The following FHIT variants were observed in gnomAD, a reference collection of about 807,000 sequenced individuals.
The protein encoded by FHIT is fragile histidine triad diadenosine triphosphatase.
In FHIT, 19 loss-of-function variants were observed where a neutral mutation model predicts 17.9. That is an observed-to-expected ratio of 1.06 (90% CI 0.74 to 1.56). FHIT has a LOEUF of 1.56. Ranked by LOEUF, FHIT falls within the 40% of genes most tolerant of loss-of-function variation. The pLI, the probability that FHIT is intolerant of heterozygous loss-of-function variation, is 0.00. For missense variants in FHIT, 248 were observed against 189.2 expected, an observed-to-expected ratio of 1.31 and a Z score of -1.82; for synonymous variants, 81 against 69.7, an observed-to-expected ratio of 1.16 and a Z score of -0.81.
intron 3 of FHIT, among the ~76,000 whole-genome samples, chr3:60,874,705 C>T (rs1704566539): frequency 6.6e-6 from 1 of 152,134 alleles, no homozygotes; most frequent in Non-Finnish European, 1.5e-5. Context: ...CCTAGACCCA[C>T]CTCCCATCTG....
intron 4 of FHIT, among the ~76,000 whole-genome samples, chr3:60,554,886 C>A (rs2036691643): frequency 6.6e-6 from 1 of 152,124 alleles, no homozygotes; most frequent in Non-Finnish European, 1.5e-5. Context: ...TAGGTTTTTG[C>A]TAAAACGGAG....
intron 4 of FHIT, among the ~76,000 whole-genome samples, chr3:60,691,891 G>A (rs2040999850): frequency 6.6e-6 from 1 of 152,092 alleles, no homozygotes; most frequent in African/African-American, 2.4e-5. Flanking sequence ...ATCATCTTGG[G>A]AGGTCAACAT....
intron 5 of FHIT, among the ~76,000 whole-genome samples, chr3:60,184,816 T>G (rs905857627): frequency 6.6e-6 from 1 of 152,186 alleles, no homozygotes; most frequent in African/African-American, 2.4e-5. Context: ...ATTCAATCAT[T>G]TATTTCCATC....
At chr3:61,042,512 T>C (rs559365456) in intron 2 of FHIT, among the ~76,000 whole-genome samples, 1 of 152,298 alleles carries the variant, frequency 6.6e-6, no homozygotes, top group Non-Finnish European at 1.5e-5. Context: ...ATATTCTCTC[T>C]AGTTCTGTAT....
At chr3:61,246,600 A>C (rs1372842367) in intron 1 of FHIT, among the ~76,000 whole-genome samples, 32 of 152,014 alleles carry the variant, frequency 2.1e-4, no homozygotes, top group Admixed American at 2.1e-3. Flanking sequence ...CAGGAACAGA[A>C]AAGCAAACAC....
At chr3:59,963,484 G>C (rs1166257040) in intron 7 of FHIT, among the ~76,000 whole-genome samples, 1 of 152,018 alleles carries the variant, frequency 6.6e-6, no homozygotes, top group African/African-American at 2.4e-5. Context: ...AGGAGAGAGA[G>C]AGAGAGACAG....
At chr3:60,279,758 T>G (rs941910137) in intron 5 of FHIT, among the ~76,000 whole-genome samples, 1 of 151,756 alleles carries the variant, frequency 6.6e-6, no homozygotes, top group Admixed American at 6.6e-5. Context: ...TGGTGGAACG[T>G]TCAAAAACTC....
chr3:60,431,448 T>C (rs1377350016), intron 5 of FHIT, among the ~76,000 whole-genome samples: 1 of 152,138 alleles, frequency 6.6e-6, no homozygotes, highest in Non-Finnish European at 1.5e-5. Context: ...TAGCTGTCGC[T>C]GGCTGTTTCA....
intron 5 of FHIT, among the ~76,000 whole-genome samples, chr3:60,351,047 C>G (rs1319629721): frequency 6.6e-6 from 1 of 151,908 alleles, no homozygotes; most frequent in Admixed American, 6.6e-5. Context: ...ACAGCCCCAG[C>G]CAAAAGCTAT....
At chr3:60,744,246 T>TAAAAAAAAAAAAAAA (rs368982395) in intron 4 of FHIT, among the ~76,000 whole-genome samples, 1 of 30,926 alleles carries the variant, frequency 3.2e-5, no homozygotes, top group African/African-American at 1.9e-4. Flanking sequence ...GGAAGTAATG[T>TAAAAAAAAAAAAAAA]AAAAAAAAAA....
intron 4 of FHIT, among the ~76,000 whole-genome samples, chr3:60,663,269 T>G (rs1292216185): frequency 6.6e-6 from 1 of 150,436 alleles, no homozygotes; most frequent in Non-Finnish European, 1.5e-5. Context: ...CAAATAAGTT[T>G]GCTAGAATTT....
chr3:61,051,193 A>G (rs2034011908), intron 2 of FHIT, among the ~76,000 whole-genome samples: 1 of 152,138 alleles, frequency 6.6e-6, no homozygotes, highest in African/African-American at 2.4e-5. Context: ...TGACAATGAG[A>G]TTTTCTGAAT....
At chr3:59,930,793 C>T (rs1027188332) in intron 7 of FHIT, among the ~76,000 whole-genome samples, 9 of 151,980 alleles carry the variant, frequency 5.9e-5, no homozygotes, top group Non-Finnish European at 1.2e-4. Flanking sequence ...TTTAGAAGAC[C>T]AATAACAAAG....
chr3:59,871,178 C>G lies in FHIT; in HGVS notation c.348+51168G>C, dbSNP rs1024664644. 4.6e-5 allele frequency among the ~76,000 whole-genome samples: 7 copies of G among 152,114 alleles called. No individual in the cohort carries two copies. In the South Asian group the frequency reaches 1.5e-3, roughly 32 times the overall value. On this transcript the variant is annotated intron_variant, in intron 8 of 9. Coordinates refer to ENST00000492590, the MANE Select transcript of FHIT (RefSeq NM_002012.4). Reference sequence around the variant, plus strand: ...TCCATAATTTTTTGATACAGGGTAGCAAATACTATGCCTATAGTGGCAAGG... The same window carrying G: ...TCCATAATTTTTTGATACAGGGTAGGAAATACTATGCCTATAGTGGCAAGG...
chr3:60,320,894 C>T (rs1298483291), intron 5 of FHIT, among the ~76,000 whole-genome samples: 1 of 151,992 alleles, frequency 6.6e-6, no homozygotes, highest in African/African-American at 2.4e-5. Flanking sequence ...TCAATTGAAA[C>T]CCAAATCGTA....
chr3:60,086,842 T>C (rs1312471533), intron 5 of FHIT, among the ~76,000 whole-genome samples: 1 of 152,190 alleles, frequency 6.6e-6, no homozygotes, highest in Admixed American at 6.5e-5. Flanking sequence ...TTTTCCAGGT[T>C]GAGGTTACAC....
chr3:60,361,280 G>C (rs1464550120), intron 5 of FHIT, among the ~76,000 whole-genome samples: 2 of 152,144 alleles, frequency 1.3e-5, no homozygotes, highest in East Asian at 1.9e-4. Flanking sequence ...GGTTGAACGA[G>C]ACAAAATCTC....
intron 3 of FHIT, among the ~76,000 whole-genome samples, chr3:60,936,798 T>C (rs1248334463): frequency 1.3e-5 from 2 of 152,124 alleles, no homozygotes; most frequent in African/African-American, 2.4e-5. Context: ...TTTGGTAGCA[T>C]GAACTCAAAG....
At chr3:61,008,609 C>T (rs986501284) in intron 3 of FHIT, among the ~76,000 whole-genome samples, 1 of 152,206 alleles carries the variant, frequency 6.6e-6, no homozygotes, top group Non-Finnish European at 1.5e-5. Context: ...TCACCACTTA[C>T]TCTGTGATGT....
Sources: gnomAD v4.1 joint callset for allele counts (sites outside exome capture counted in the v4.1 genomes callset) on GRCh38, gnomAD v4.1.1 for gene constraint, MANE v1.5 for transcripts, NCBI Gene and HGNC (gene_info 2026-07-23, HGNC 2026-07-21) for gene names.